Variants in POLK observed in about 807,000 individuals in gnomAD.
POLK encodes the protein DNA polymerase kappa.
Under a neutral mutation model 94.0 loss-of-function variants are expected in POLK, and 76 were observed. The observed-to-expected ratio is 0.81, with a 90% CI of 0.67 to 0.98. POLK has a LOEUF of 0.98. Among genes scored for constraint, POLK ranks in the 50% least tolerant of loss-of-function variants. POLK has a pLI of 0.00. For missense variants in POLK, 954 were observed against 1,010.1 expected (o/e 0.94, Z 0.75); for synonymous variants, 349 against 325.4 (o/e 1.07, Z -0.78).
At chr5:75,538,286 A>G (rs1334728256) in intron 1 of POLK, among the ~76,000 whole-genome samples, 7 of 152,232 alleles carry the variant, frequency 4.6e-5, no homozygotes, top group Admixed American at 4.6e-4. Context: ...TTCTTAAAAT[A>G]AACAGCATAT....
At chr5:75,601,663 A>G (rs186813861), downstream of POLK, among the ~76,000 whole-genome samples, 1 of 152,030 alleles carries the variant, frequency 6.6e-6, no homozygotes, top group South Asian at 2.1e-4. Flanking sequence ...ATCAGACTCC[A>G]AGTTCTTCAG....
the POLK span, among the ~76,000 whole-genome samples, chr5:75,607,237 C>T: frequency 6.2e-4 from 95 of 152,038 alleles, no homozygotes; most frequent in Admixed American, 1.3e-3. Flanking sequence ...GAGGCCAAGG[C>T]GGGTGGATCA....
intron 10 of POLK, among the ~76,000 whole-genome samples, chr5:75,589,446 ATTTC>A (rs1772653386): frequency 8.8e-6 from 1 of 113,558 alleles, no homozygotes; most frequent in African/African-American, 3.4e-5. Context: ...CACGTGGAAT[ATTTC>A]TTTTTTTTGT....
intron 3 of POLK, among the ~76,000 whole-genome samples, chr5:75,558,656 A>AT (rs1211288493): frequency 3.3e-5 from 5 of 151,852 alleles, no homozygotes. Context: ...CTTCTTTAAA[A>AT]TTTTTTTTGT....
intron 2 of POLK, among the ~76,000 whole-genome samples, chr5:75,551,107 A>T (rs986252222): frequency 1.3e-5 from 2 of 152,050 alleles, no homozygotes; most frequent in African/African-American, 2.4e-5. Context: ...CTCAAAATAG[A>T]CTTAAAGAGC....
rs2112499020 is a variant in POLK, at chr5:75,512,011, GCTT to G, written c.-14+100_-14+102del. 9 of 554,668 alleles carry G rather than the reference GCTT, an allele frequency of 1.6e-5. 1 individual carries two copies. In the South Asian group the frequency reaches 2.0e-4, roughly 12 times the overall value. The allele number at this position is 554,668 out of a possible 1,614,324, so 34.4% of individuals were successfully genotyped here. A position where few individuals can be genotyped will look rare whatever the true frequency, so the allele number is the denominator to read the frequency against. On this transcript the variant is annotated intron_variant, in intron 1 of 14. Coordinates refer to ENST00000241436, the Ensembl canonical transcript of POLK. ...GTTGCGTGACCAGCCCCTCGGCCTC[GCTT>G]CTATCCTTGCCTTGTGTGTTTATGA...
Position 75,572,431 on chromosome 5 carries a change from C to G in POLK, c.409-1307C>G, listed in dbSNP as rs146822074. Among the ~76,000 whole-genome samples, 317 of 152,048 alleles carry G rather than the reference C, an allele frequency of 2.1e-3. 1 individual carries two copies. In the East Asian group the frequency reaches 0.027, roughly 13 times the overall value. On this transcript the variant is annotated intron_variant, in intron 4 of 14. Coordinates refer to ENST00000241436, the Ensembl canonical transcript of POLK. The stretch of plus-strand genomic sequence containing the variant: ...AAAAGTTTCCAAAATCCCAAATAGA[C>G]CAAATTCGAAAAGTTTACTATTATA...
At chr5:75,556,804 G>A (rs545980295) in intron 3 of POLK, among the ~76,000 whole-genome samples, 41 of 151,792 alleles carry the variant, frequency 2.7e-4, no homozygotes, top group African/African-American at 9.9e-4. Flanking sequence ...GCTCACGCCT[G>A]TAATCCCAGC....
At chr5:75,569,441 C>T (rs1771466989) in exon 4 of POLK, 1 of 1,613,502 alleles carries the variant, frequency 6.2e-7, no homozygotes, top group East Asian at 2.2e-5. Context: ...AAATGAGGGA[C>T]AATCCAGAAT....
exon 15 of POLK, chr5:75,598,243 T>G: frequency 3.9e-6 from 1 of 254,866 alleles, no homozygotes; most frequent in Non-Finnish European, 7.5e-6. Flanking sequence ...AAATCAATCC[T>G]GTTAAGAGAT....
chr5:75,511,027 C>A, upstream of POLK: 1 of 1,438,332 alleles, frequency 7.0e-7, no homozygotes, highest in Non-Finnish European at 9.1e-7. Context: ...CCGCGCCTCC[C>A]GCCAGCCCCA....
chr5:75,511,328 G>C (rs539924208), upstream of POLK: 24 of 1,546,292 alleles, frequency 1.6e-5, no homozygotes, highest in Middle Eastern at 1.7e-4. Context: ...GCTCCGGTGT[G>C]GGGGGGAGCA....
At chr5:75,515,044 C>T (rs2112514584) in intron 1 of POLK, among the ~76,000 whole-genome samples, 1 of 152,144 alleles carries the variant, frequency 6.6e-6, no homozygotes, top group South Asian at 2.1e-4. Flanking sequence ...TAACATATAG[C>T]CAGTTTACAG....
chr5:75,532,921 A>G (rs1185263629), intron 1 of POLK, among the ~76,000 whole-genome samples: 1 of 152,118 alleles, frequency 6.6e-6, no homozygotes, highest in Non-Finnish European at 1.5e-5. Context: ...TGCCCACTTT[A>G]TAATGGGGTT....
At chr5:75,539,380 G>A (rs1157566164) in intron 1 of POLK, among the ~76,000 whole-genome samples, 1 of 152,038 alleles carries the variant, frequency 6.6e-6, no homozygotes, top group Non-Finnish European at 1.5e-5. Context: ...GATTTTCAGA[G>A]CTGATTTGCT....
At chr5:75,563,178 T>A (rs1445354862) in intron 3 of POLK, among the ~76,000 whole-genome samples, 3 of 152,188 alleles carry the variant, frequency 2.0e-5, no homozygotes, top group Non-Finnish European at 4.4e-5. Context: ...GTCAGGCTGG[T>A]CTTGAACTCC....
intron 1 of POLK, among the ~76,000 whole-genome samples, chr5:75,520,831 G>A (rs541280191): frequency 6.6e-6 from 1 of 152,228 alleles, no homozygotes; most frequent in Non-Finnish European, 1.5e-5. Flanking sequence ...GTGCTTGTTT[G>A]TCTGGGAAAG....
At chr5:75,557,790 ATGTTTTGTTT>A (rs1195577638) in intron 3 of POLK, among the ~76,000 whole-genome samples, 1 of 151,774 alleles carries the variant, frequency 6.6e-6, no homozygotes, top group African/African-American at 2.4e-5. Flanking sequence ...AATGTGTTTT[ATGTTTTGTTT>A]TGTTTTTGAG....
At chr5:75,556,792 C>T (rs985013105) in intron 3 of POLK, among the ~76,000 whole-genome samples, 13 of 151,314 alleles carry the variant, frequency 8.6e-5, no homozygotes, top group Non-Finnish European at 1.5e-4. Context: ...CTAGGTGTGG[C>T]GGCTCACGCC....
Sources: allele counts gnomAD v4.1 joint callset (sites outside exome capture counted in the v4.1 genomes callset), GRCh38; gene constraint gnomAD v4.1.1; transcripts MANE v1.5; gene names NCBI Gene and HGNC (gene_info 2026-07-23, HGNC 2026-07-21).